SLC38A1: variants seen among roughly 807,000 people sequenced by gnomAD.
SLC38A1 encodes the protein sodium-coupled neutral amino acid symporter 1.
A neutral mutation model predicts 60.3 loss-of-function variants in SLC38A1; 18 were observed. The observed-to-expected ratio is 0.30, with a 90% confidence interval of 0.21 to 0.44. The LOEUF (loss-of-function observed/expected upper bound fraction) is 0.44. Among genes scored for constraint, SLC38A1 ranks in the 20% least tolerant of loss-of-function variants. The pLI, the probability that SLC38A1 is intolerant of heterozygous loss-of-function variation, is 1.00. For missense variants in SLC38A1, 448 were observed against 587.2 expected (o/e 0.76, Z 2.45); for synonymous variants, 196 against 212.1 (o/e 0.92, Z 0.66).
Position 46,268,851 on chromosome 12 carries a change from G to A in SLC38A1, c.-534C>T, listed in dbSNP as rs117054852. 1.5e-5 allele frequency: 7 copies of A among 453,802 alleles called. No individual in the cohort carries two copies. The highest frequency in any genetic ancestry group is 8.0e-5 in the African/African-American group (4 of 50,110). The allele number at this position is 453,802 out of a possible 1,614,324, so 28.1% of individuals were successfully genotyped here. ...AACCCCCACTCACACTCTGCTCGCC[G>A]GCCTCGCACTTACATCGACATGCAC... On this transcript the variant is annotated 5_prime_UTR_variant, in exon 1 of 17. Transcript: ENST00000398637. The surrounding 1 kb of genome is among the most constrained non-coding windows in gnomAD (Gnocchi z 4.4).
chr12:46,196,709 C>T (rs1468699818), intron 16 of SLC38A1, among the ~76,000 whole-genome samples: 2 of 152,100 alleles, frequency 1.3e-5, no homozygotes, highest in African/African-American at 4.8e-5. Context: ...GTAACAGGTA[C>T]AATTGCAGTG....
Position 46,212,363 on chromosome 12 carries a change from T to C in SLC38A1, c.315-3236A>G, listed in dbSNP as rs1940210864. 2.0e-5 allele frequency among the ~76,000 whole-genome samples: 3 copies of C among 152,226 alleles called. No individual in the cohort carries two copies. The South Asian group carries it at 6.2e-4, about 31-fold the overall frequency. ...GATATAATTTAAGCTTCAACATTGT[T>C]AACCACTGACCACAAGTATTAATAT... On this transcript the variant is annotated intron_variant, in intron 5 of 16. Transcript: ENST00000398637.
chr12:46,235,220 G>A (rs914174000), intron 3 of SLC38A1, among the ~76,000 whole-genome samples: 6 of 152,146 alleles, frequency 3.9e-5, no homozygotes, highest in Non-Finnish European at 7.4e-5. Flanking sequence ...CAAATCAACA[G>A]TAACAATCTA....
At chr12:46,257,862 C>T (rs1318207462) in intron 1 of SLC38A1, among the ~76,000 whole-genome samples, 1 of 152,144 alleles carries the variant, frequency 6.6e-6, no homozygotes, top group African/African-American at 2.4e-5. Flanking sequence ...CAATCCAGAC[C>T]CCAGAAGATG....
chr12:46,239,037 A>G (rs1334259125), intron 3 of SLC38A1: 1 of 152,260 alleles, frequency 6.6e-6, no homozygotes, highest in African/African-American at 2.4e-5. Context: ...TGTAGTACAC[A>G]TTTGGATATG....
At chr12:46,215,578 T>C (rs953267506) in intron 5 of SLC38A1, among the ~76,000 whole-genome samples, 1 of 152,148 alleles carries the variant, frequency 6.6e-6, no homozygotes, top group Non-Finnish European at 1.5e-5. Flanking sequence ...CAGCTAATTT[T>C]TGTATTTTTT....
intron 5 of SLC38A1, among the ~76,000 whole-genome samples, chr12:46,215,044 G>A (rs1358391485): frequency 6.6e-6 from 1 of 152,206 alleles, no homozygotes; most frequent in African/African-American, 2.4e-5. Flanking sequence ...TAAAATGGAT[G>A]GGTCGGGACC....
intron 11 of SLC38A1, 57 bp from the exon 12 acceptor site, chr12:46,203,146 T>C: frequency 2.2e-6 from 3 of 1,376,984 alleles, no homozygotes; most frequent in East Asian, 2.3e-5. Context: ...AAAAAGGACA[T>C]AGCTCCAGTA....
At chr12:46,224,282 A>G (rs1330897767) in intron 5 of SLC38A1, among the ~76,000 whole-genome samples, 4 of 152,172 alleles carry the variant, frequency 2.6e-5, no homozygotes, top group Non-Finnish European at 4.4e-5. Context: ...TACCTGCAGA[A>G]CTATGATAAA....
intron 13 of SLC38A1, 110 bp downstream of exon 13, chr12:46,200,988 G>T: frequency 1.3e-6 from 1 of 779,778 alleles, no homozygotes; most frequent in Non-Finnish European, 2.1e-6. Context: ...AAAAACCAAT[G>T]GATAGCTTTG....
intron 1 of SLC38A1, among the ~76,000 whole-genome samples, chr12:46,260,148 T>C (rs1942154472): frequency 6.6e-6 from 1 of 152,228 alleles, no homozygotes; most frequent in African/African-American, 2.4e-5. Flanking sequence ...CCATTGTTCC[T>C]GTTTTCTGAC....
intron 5 of SLC38A1, among the ~76,000 whole-genome samples, 170 bp downstream of exon 5, chr12:46,228,983 G>C (rs1480107491): frequency 6.6e-6 from 1 of 152,066 alleles, no homozygotes; most frequent in Non-Finnish European, 1.5e-5. Context: ...GTAAGCATTA[G>C]GTACAGTTTG....
intron 16 of SLC38A1, chr12:46,197,508 A>G: frequency 2.3e-6 from 1 of 428,478 alleles, no homozygotes; most frequent in Non-Finnish European, 4.1e-6. Context: ...CTCCATCTCA[A>G]AAAAAAAGAG....
chr12:46,252,348 C>A (rs1422696642), intron 1 of SLC38A1, among the ~76,000 whole-genome samples: 1 of 151,894 alleles, frequency 6.6e-6, no homozygotes, highest in Admixed American at 6.6e-5. Context: ...AGGGTGGGGG[C>A]CTGGGGGAGG....
At position 46,188,319 on chromosome 12, in the gene SLC38A1, C is replaced by T. The variant is rs1939007953; in HGVS notation, c.*651G>A. 6.6e-6 allele frequency: 1 copy of T among 152,346 alleles called. No individual in the cohort carries two copies. The highest frequency in any genetic ancestry group is 1.5e-5 in the Non-Finnish European group (1 of 68,032). 9.4% of individuals were successfully genotyped at this position (152,346 alleles called of 1,614,324 possible). On this transcript the variant is annotated 3_prime_UTR_variant, in exon 17 of 17. Transcript: ENST00000398637. The stretch of plus-strand genomic sequence containing the variant: ...GCTGAGAACACTTGCCAGAGAATGT[C>T]TCTGGATGGGAATAGATGTGGTACC...
At chr12:46,207,719 C>A in intron 6 of SLC38A1, 98 bp from the exon 7 acceptor site, 1 of 1,157,938 alleles carries the variant, frequency 8.6e-7, no homozygotes, top group Non-Finnish European at 1.3e-6. Context: ...CCCCAAGTTA[C>A]TATGTGCCTT....
At chr12:46,207,503 T>C (rs1277933052) in intron 7 of SLC38A1, 26 bp downstream of exon 7, 5 of 1,595,134 alleles carry the variant, frequency 3.1e-6, no homozygotes, top group East Asian at 4.5e-5. Flanking sequence ...TTTCAAGTTA[T>C]GTAAAGAAAA....
chr12:46,259,204 C>A lies in SLC38A1; in HGVS notation c.-209+9322G>T, dbSNP rs140754212. On this transcript the variant is annotated intron_variant, in intron 1 of 16. Transcript: ENST00000398637. ...GAGAAAGTGTTAAGCCTAAGGTCAA[C>A]AATGGTTCTATAATTCCGGGCCAGC... Among the ~76,000 whole-genome samples, 34 of 152,294 alleles carry A rather than the reference C, an allele frequency of 2.2e-4. No individual in the cohort carries two copies. The East Asian group carries it at 6.6e-3, about 29-fold the overall frequency.
At chr12:46,262,026 G>A (rs1249215488) in intron 1 of SLC38A1, among the ~76,000 whole-genome samples, 1 of 152,170 alleles carries the variant, frequency 6.6e-6, no homozygotes, top group Non-Finnish European at 1.5e-5. Flanking sequence ...TAGTGTGAAG[G>A]GCAAGAAGCC....
Sources: gnomAD v4.1 joint callset for allele counts (sites outside exome capture counted in the v4.1 genomes callset) on GRCh38, gnomAD v4.1.1 for gene constraint, Gnocchi (gnomAD v3.1) non-coding constraint, MANE v1.5 for transcripts, NCBI Gene and HGNC (gene_info 2026-07-23, HGNC 2026-07-21) for gene names.